Variants in FAM78A observed in about 807,000 individuals in gnomAD.
FAM78A encodes the protein protein FAM78A.
Under a neutral mutation model 22.6 loss-of-function variants are expected in FAM78A, and 12 were observed. That is an observed-to-expected ratio of 0.53 (90% CI 0.34 to 0.86). The LOEUF (loss-of-function observed/expected upper bound fraction) is 0.86, where lower values mean the gene tolerates loss of function less well. Among genes scored for constraint, FAM78A ranks in the 40% least tolerant of loss-of-function variants. The pLI is 0.02. For synonymous variants in FAM78A, 151 were observed against 155.8 expected (o/e 0.97, Z 0.23); for missense variants, 322 against 396.1 (o/e 0.81, Z 1.59).
chr9:131,271,857 G>A lies in FAM78A; in HGVS notation c.323+4000C>T, dbSNP rs533146991. Among the ~76,000 whole-genome samples the A allele has an allele frequency of 3.3e-5, 5 of 152,020 alleles. No individual in the cohort carries two copies. In the East Asian group the frequency reaches 7.7e-4, roughly 23 times the overall value. Reference sequence around the variant, plus strand: ...AGGTGGCAGTTGAGGAATTGCGGGGGCCGGGCTGTGGAGGCAGGTGTCTCC... The same window carrying A: ...AGGTGGCAGTTGAGGAATTGCGGGGACCGGGCTGTGGAGGCAGGTGTCTCC... On this transcript the variant is annotated intron_variant, in intron 1 of 1. Transcript: ENST00000372271.
At position 131,260,433 on chromosome 9, in the gene FAM78A, G is replaced by GTC; in HGVS notation, c.*388_*389insGA. 1.8e-5 allele frequency: 3 copies of GTC among 171,194 alleles called. No individual in the cohort carries two copies. Among genetic ancestry groups the GTC allele is most frequent in the Non-Finnish European group, 3.7e-5 (3 of 81,050 alleles). The allele number at this position is 171,194 out of a possible 1,614,324, so 10.6% of individuals were successfully genotyped here. On this transcript the variant is annotated 3_prime_UTR_variant, in exon 2 of 2. Coordinates refer to ENST00000372271, the MANE Select transcript of FAM78A (RefSeq NM_033387.4). This position sits in a 1 kb window ranked among gnomAD's most constrained non-coding sequence, Gnocchi z 5.4. ...GTGTGGATCTGTCTCTTTGATCGGGGGCTGGAGCTTCCCTCCTAATCAGCT... is the reference window on the plus strand; with the variant it reads ...GTGTGGATCTGTCTCTTTGATCGGGGTCGCTGGAGCTTCCCTCCTAATCAGCT...
At position 131,274,033 on chromosome 9, in the gene FAM78A, C is replaced by G. The variant is rs151186566; in HGVS notation, c.323+1824G>C. On this transcript the variant is annotated intron_variant, in intron 1 of 1. Transcript: ENST00000372271. This position sits in a 1 kb window ranked among gnomAD's most constrained non-coding sequence, Gnocchi z 4.2. ...CAGGGAGGGCAGGGTTGTCTCAGGTCCCAGTCTCAGGCCTAGCTCCAGCCA... is the reference window on the plus strand; with the variant it reads ...CAGGGAGGGCAGGGTTGTCTCAGGTGCCAGTCTCAGGCCTAGCTCCAGCCA... 3.5e-3 allele frequency among the ~76,000 whole-genome samples: 536 copies of G among 152,362 alleles called. 3 individuals carry two copies. Among genetic ancestry groups the G allele is most frequent in the Non-Finnish European group, 5.1e-3 (347 of 68,038 alleles).
chr9:131,279,352 G>A (rs767561219), upstream of FAM78A, among the ~76,000 whole-genome samples: 3 of 152,214 alleles, frequency 2.0e-5, no homozygotes, highest in African/African-American at 4.8e-5. Flanking sequence ...AAAACCTTCT[G>A]TCCCTCTGAC....
chr9:131,260,670 G>A lies in FAM78A; in HGVS notation c.*152C>T, dbSNP rs1835251277. On this transcript the variant is annotated 3_prime_UTR_variant, in exon 2 of 2. Coordinates refer to ENST00000372271, the MANE Select transcript of FAM78A (RefSeq NM_033387.4). This position sits in a 1 kb window ranked among gnomAD's most constrained non-coding sequence, Gnocchi z 5.4. ...AAAGGAAGCAGGTGCCGAGAGCCGG[G>A]GAGGCCTTCCCGGGGGCATCAGCAC... 1.1e-6 allele frequency: 1 copy of A among 884,360 alleles called. No individual in the cohort carries two copies. Among genetic ancestry groups the A allele is most frequent in the East Asian group, 2.8e-5 (1 of 35,136 alleles). The allele number at this position is 884,360 out of a possible 1,614,324, so 54.8% of individuals were successfully genotyped here.
chr9:131,270,188 A>G, intron 1 of FAM78A: 1 of 694,620 alleles, frequency 1.4e-6, no homozygotes, highest in Non-Finnish European at 2.7e-6. Flanking sequence ...CCTGGGTGAC[A>G]AGAGTGAAAC....
At chr9:131,279,280 T>A (rs150306867), upstream of FAM78A, among the ~76,000 whole-genome samples, 2 of 152,152 alleles carry the variant, frequency 1.3e-5, no homozygotes, top group African/African-American at 4.8e-5. Context: ...CAGGAAGAAG[T>A]CTTCTCTGGC....
chr9:131,267,873 G>A (rs1448487286), intron 1 of FAM78A, among the ~76,000 whole-genome samples: 9 of 151,884 alleles, frequency 5.9e-5, no homozygotes, highest in South Asian at 2.1e-4. Context: ...GTGAAACCCC[G>A]TCTCTACTAA....
upstream of FAM78A, among the ~76,000 whole-genome samples, chr9:131,279,204 G>T (rs920582416): frequency 6.6e-6 from 1 of 152,236 alleles, no homozygotes; most frequent in Non-Finnish European, 1.5e-5. Context: ...CCCTTGGCCT[G>T]TTGGACACAG....
chr9:131,269,782 G>A (rs1184231544), intron 1 of FAM78A, among the ~76,000 whole-genome samples: 1 of 152,070 alleles, frequency 6.6e-6, no homozygotes, highest in Non-Finnish European at 1.5e-5. Context: ...CAGCCCATGT[G>A]CATCTTTATG....
At chr9:131,276,728 CCGCGGCTTCCAGGAGG>C (rs1164121546), upstream of FAM78A, among the ~76,000 whole-genome samples, 1 of 151,792 alleles carries the variant, frequency 6.6e-6, no homozygotes, top group Non-Finnish European at 1.5e-5. This position sits in a 1 kb window ranked among gnomAD's most constrained non-coding sequence, Gnocchi z 4.3. Flanking sequence ...GAGCGCCGAC[CCGCGGCTTCCAGGAGG>C]CGAGCTCAGG....
At chr9:131,273,544 C>T (rs752283782) in intron 1 of FAM78A, among the ~76,000 whole-genome samples, 7 of 152,214 alleles carry the variant, frequency 4.6e-5, no homozygotes, top group Admixed American at 6.5e-5. Context: ...CACTTTAAAA[C>T]GCAAGTTCTT....
chr9:131,281,014 G>A (rs527909541), upstream of FAM78A, among the ~76,000 whole-genome samples: 5 of 152,276 alleles, frequency 3.3e-5, no homozygotes, highest in South Asian at 2.1e-4. Context: ...TATAGTGGGC[G>A]CTCTCACCAG....
intron 1 of FAM78A, among the ~76,000 whole-genome samples, chr9:131,273,496 T>C (rs545607173): frequency 2.2e-4 from 33 of 152,134 alleles, no homozygotes; most frequent in Non-Finnish European, 4.4e-4. Context: ...AAGAGAAACA[T>C]CAGGGGCAGA....
intron 1 of FAM78A, among the ~76,000 whole-genome samples, chr9:131,263,047 C>A (rs558614378): frequency 1.3e-5 from 2 of 152,204 alleles, no homozygotes; most frequent in East Asian, 3.9e-4. Context: ...CCAGACCAGC[C>A]TGGGCAATAC....
At position 131,269,483 on chromosome 9, in the gene FAM78A, A is replaced by ATTTTT. The variant is rs111550579; in HGVS notation, c.323+6369_323+6373dup. 2.8e-3 allele frequency among the ~76,000 whole-genome samples: 403 copies of ATTTTT among 142,464 alleles called. 2 individuals carry two copies. The highest frequency in any genetic ancestry group is 9.8e-3 in the African/African-American group (379 of 38,836). 93.5% of individuals were successfully genotyped at this position (142,464 alleles called of 152,430 possible). ...CTGGAGTTAACATCCTCACGTGTGC[A>ATTTTT]TTTTTTTTTTTTTGAGACAGTCTAG... On this transcript the variant is annotated intron_variant, in intron 1 of 1. Transcript: ENST00000372271.
chr9:131,270,538 G>A (rs1390114928), intron 1 of FAM78A: 6 of 715,022 alleles, frequency 8.4e-6, no homozygotes, highest in Non-Finnish European at 1.6e-5. Flanking sequence ...CTGGTCCTGG[G>A]GGAGCTCTCT....
At position 131,260,687 on chromosome 9, in the gene FAM78A, C is replaced by T. The variant is rs549457128; in HGVS notation, c.*135G>A. ...AGAGCCGGGGAGGCCTTCCCGGGGG[C>T]ATCAGCACAGTGAGATCCGCCCGCT... On this transcript the variant is annotated 3_prime_UTR_variant, in exon 2 of 2. Coordinates refer to ENST00000372271, the MANE Select transcript of FAM78A (RefSeq NM_033387.4). This position sits in a 1 kb window ranked among gnomAD's most constrained non-coding sequence, Gnocchi z 5.4. 9.2e-5 allele frequency: 104 copies of T among 1,134,756 alleles called. No homozygotes were observed. The highest frequency in any genetic ancestry group is 1.2e-4 in the Non-Finnish European group (101 of 830,708). The allele number at this position is 1,134,756 out of a possible 1,614,324, so 70.3% of individuals were successfully genotyped here. A position where few individuals can be genotyped will look rare whatever the true frequency, so the allele number is the denominator to read the frequency against.
chr9:131,276,213 C>G lies in FAM78A; in HGVS notation c.-34G>C. ...CAGAGGCTGCAGGACCCAGTACAGA[C>G]GGCGCTGCTCTCCAATCTCAACTCT... On this transcript the variant is annotated 5_prime_UTR_variant, in exon 1 of 2. Transcript: ENST00000372271. This position sits in a 1 kb window ranked among gnomAD's most constrained non-coding sequence, Gnocchi z 4.3. The G allele has an allele frequency of 6.4e-7, 1 of 1,555,852 alleles. No homozygotes were observed. Among genetic ancestry groups the G allele is most frequent in the South Asian group, 1.2e-5 (1 of 85,550 alleles).
chr9:131,277,766 T>G (rs1329616747), upstream of FAM78A, among the ~76,000 whole-genome samples: 9 of 149,796 alleles, frequency 6.0e-5, no homozygotes, highest in Non-Finnish European at 1.0e-4. The surrounding 1 kb of genome is among the most constrained non-coding windows in gnomAD (Gnocchi z 8.4). Context: ...GGCTCGGGGC[T>G]CTCTCGCCCC....
Sources: gnomAD v4.1 joint callset for allele counts (sites outside exome capture counted in the v4.1 genomes callset) on GRCh38, gnomAD v4.1.1 for gene constraint, Gnocchi (gnomAD v3.1) non-coding constraint, MANE v1.5 for transcripts, NCBI Gene and HGNC (gene_info 2026-07-23, HGNC 2026-07-21) for gene names.